DRC4: variants seen among roughly 807,000 people sequenced by gnomAD.
DRC4 encodes dynein regulatory complex subunit 4, also known as GAS-11.
the DRC4 span, among the ~76,000 whole-genome samples, chr16:90,038,551 C>A: frequency 6.6e-6 from 1 of 152,170 alleles, no homozygotes; most frequent in Non-Finnish European, 1.5e-5. Flanking sequence ...GAGATTGCTT[C>A]TTAGGAAAGC....
chr16:90,031,279 G>C, the DRC4 span: 16 of 1,610,656 alleles, frequency 9.9e-6, no homozygotes, highest in Non-Finnish European at 1.4e-5. Flanking sequence ...TGCCTCACCT[G>C]ACCCACTGCA....
chr16:90,040,413 C>T, the DRC4 span: 119 of 1,612,208 alleles, frequency 7.4e-5, no homozygotes, highest in Middle Eastern at 1.0e-3. Context: ...AGGCTCTGAG[C>T]GCCGCTGTGG....
the DRC4 span, chr16:90,043,265 G>T: frequency 1.2e-6 from 2 of 1,613,678 alleles, no homozygotes; most frequent in South Asian, 1.1e-5. Flanking sequence ...GGACAACGTG[G>T]GCTTCAAGCC....
At chr16:90,040,469 T>A in the DRC4 span, 265 of 1,609,348 alleles carry the variant, frequency 1.6e-4, 2 homozygotes, top group African/African-American at 2.9e-3. Context: ...GCCTCTAACC[T>A]GGACCCTGCA....
the DRC4 span, among the ~76,000 whole-genome samples, chr16:90,030,818 A>G: frequency 1.3e-5 from 2 of 152,060 alleles, no homozygotes; most frequent in African/African-American, 2.4e-5. Context: ...GGGTCTTGCT[A>G]TGTTGCCCAA....
chr16:90,037,361 C>T, the DRC4 span: 9 of 1,613,852 alleles, frequency 5.6e-6, no homozygotes, highest in African/African-American at 2.7e-5. Context: ...GATGCAGAAA[C>T]AGCTCGCAAA....
chr16:90,025,062 G>T, the DRC4 span, among the ~76,000 whole-genome samples: 4 of 148,286 alleles, frequency 2.7e-5, no homozygotes, highest in Admixed American at 1.3e-4. Flanking sequence ...TGTCACCCAG[G>T]CTGGAGTGCA....
the DRC4 span, chr16:90,035,699 G>A: frequency 3.7e-6 from 6 of 1,614,036 alleles, no homozygotes; most frequent in East Asian, 2.2e-5. Flanking sequence ...TCAGTTTCCC[G>A]TGTGCTCATT....
chr16:90,035,589 C>G, the DRC4 span: 1 of 1,613,798 alleles, frequency 6.2e-7, no homozygotes, highest in Non-Finnish European at 8.5e-7. Context: ...GCGGGCTTCC[C>G]TCTGTGTCCG....
chr16:90,042,674 G>C, the DRC4 span: 1 of 699,768 alleles, frequency 1.4e-6, no homozygotes, highest in South Asian at 1.6e-5. Flanking sequence ...CCCCACGTGA[G>C]GGTGCAGTCA....
At chr16:90,040,191 T>A in the DRC4 span, 1 of 1,067,808 alleles carries the variant, frequency 9.4e-7, no homozygotes, top group Non-Finnish European at 1.4e-6. Context: ...TGGGCACTGT[T>A]GGGAGGCAGC....
At chr16:90,037,479 G>T in the DRC4 span, 7 of 1,478,820 alleles carry the variant, frequency 4.7e-6, no homozygotes, top group South Asian at 2.6e-5. Context: ...ACAGGGAGGG[G>T]CTTGGCCCTT....
chr16:90,036,128 A>AC, the DRC4 span: 4 of 571,052 alleles, frequency 7.0e-6, no homozygotes, highest in Non-Finnish European at 9.0e-6. Context: ...AGCTGTTGGC[A>AC]CCCCCAGTGC....
the DRC4 span, chr16:90,036,760 C>A: frequency 1.4e-6 from 1 of 715,908 alleles, no homozygotes; most frequent in Non-Finnish European, 2.5e-6. Flanking sequence ...AATAACGTAA[C>A]CTATCTCTAC....
chr16:90,043,428 GT>G, the DRC4 span: 1 of 1,336,668 alleles, frequency 7.5e-7, no homozygotes, highest in Non-Finnish European at 1.0e-6. Flanking sequence ...AGGACAGCAA[GT>G]TTTTTAGATT....
chr16:90,020,657 C>T, the DRC4 span, among the ~76,000 whole-genome samples: 1 of 152,362 alleles, frequency 6.6e-6, no homozygotes, highest in South Asian at 2.1e-4. Flanking sequence ...TGGGCCCTGT[C>T]GGGATCCCAG....
the DRC4 span, among the ~76,000 whole-genome samples, chr16:90,035,361 G>C: frequency 1.1e-4 from 17 of 152,222 alleles, no homozygotes; most frequent in Non-Finnish European, 1.8e-4. Flanking sequence ...CAGGTTGGAA[G>C]CTACACACGG....
At chr16:90,034,054 G>GGT in the DRC4 span, among the ~76,000 whole-genome samples, 1 of 152,038 alleles carries the variant, frequency 6.6e-6, no homozygotes. Context: ...CTTTGACCCT[G>GGT]GTGGAGTCTG....
chr16:90,037,862 C>T, the DRC4 span: 31 of 1,610,772 alleles, frequency 1.9e-5, no homozygotes, highest in Middle Eastern at 3.4e-4. Flanking sequence ...AGTGGCACCA[C>T]GCTGGCCCTG....
Sources: gnomAD v4.1 joint callset for allele counts (sites outside exome capture counted in the v4.1 genomes callset) on GRCh38, gnomAD v4.1.1 for gene constraint, MANE v1.5 for transcripts, NCBI Gene and HGNC (gene_info 2026-07-23, HGNC 2026-07-21) for gene names.